Variants in TMEM214 observed in about 807,000 individuals in gnomAD.
The protein encoded by TMEM214 is transmembrane protein 214.
TMEM214 carries 71 observed loss-of-function variants against 89.8 expected under a neutral mutation model. The ratio of observed to expected loss-of-function variants is 0.79; its 90% CI spans 0.65 to 0.96. The LOEUF (loss-of-function observed/expected upper bound fraction) is 0.96. Ranked by LOEUF, TMEM214 falls within the 40% of genes least tolerant of loss-of-function variation. The pLI, the probability that TMEM214 is intolerant of heterozygous loss-of-function variation, is 0.00. For synonymous variants in TMEM214, 332 were observed against 349.5 expected (o/e 0.95, Z 0.56); for missense variants, 754 against 843.4 (o/e 0.89, Z 1.31).
Position 27,035,968 on chromosome 2 carries a change from AG to A in TMEM214, c.640del. ...TAGGTGTGAGAATGTGTATCTCTCC[AG>A]GGGAGTCACTACATGGTTACCGCAT... On this transcript the variant is annotated splice_acceptor_variant, in intron 4 of 16. Transcript: ENST00000238788. LOFTEE classifies it high-confidence loss of function. The A allele has an allele frequency of 1.2e-6, 2 of 1,614,122 alleles. No homozygotes were observed. Among genetic ancestry groups the A allele is most frequent in the Non-Finnish European group, 8.5e-7 (1 of 1,179,964 alleles).
At chr2:27,035,851 G>A in intron 4 of TMEM214, 119 bp from the exon 5 acceptor site, 2 of 1,581,304 alleles carry the variant, frequency 1.3e-6, no homozygotes, top group Non-Finnish European at 1.7e-6. Context: ...TTTTTGGAAA[G>A]TGTGGAGGAA....
chr2:27,035,399 G>T, intron 3 of TMEM214, 114 bp downstream of exon 3: 1 of 1,468,022 alleles, frequency 6.8e-7, no homozygotes, highest in Non-Finnish European at 9.3e-7. Flanking sequence ...ATTTGGGCTG[G>T]TCTCAAATCA....
chr2:27,036,942 G>T, intron 7 of TMEM214, 135 bp from the exon 8 acceptor site: 2 of 1,090,562 alleles, frequency 1.8e-6, no homozygotes, highest in South Asian at 1.3e-5. Context: ...GAAGGAAGAA[G>T]AGGGAGCTAT....
Position 27,037,571 on chromosome 2 carries a change from C to G in TMEM214, c.1021C>G (p.Gln341Glu). The change falls in exon 9 of 17, where the codon CAG (glutamine) becomes GAG (glutamate). Residue 341 changes from glutamine (Q) to glutamate (E), a missense_variant. Gln to Glu is a conservative substitution (Grantham distance 29, BLOSUM62 2). Coordinates refer to ENST00000238788, the MANE Select transcript of TMEM214 (RefSeq NM_017727.5). ...NNSLTPSLQE[Q>E]LCQLYPRLKV... ...CCCCACCCCACCCAGCCTGCAGGAG[C>G]AGCTGTGTCAGCTCTACCCCCGACT... The G allele has an allele frequency of 6.2e-7, 1 of 1,614,176 alleles. No individual in the cohort carries two copies. Among genetic ancestry groups the G allele is most frequent in the Non-Finnish European group, 8.5e-7 (1 of 1,180,030 alleles).
rs768944158 is a variant in TMEM214 at position 27,036,538 on chromosome 2, A to G, written c.772A>G (p.Ile258Val). 8 of 1,613,992 alleles carry G rather than the reference A, an allele frequency of 5.0e-6. No individual in the cohort carries two copies. Among genetic ancestry groups the G allele is most frequent in the African/African-American group, 1.3e-5 (1 of 74,898 alleles). ...HQSRPAKCLT[I>V]MWALGQAGFA... ...GAGCCGACCAGCAAAGTGTCTCACCATCATGTGGGCCCTGGGTCAAGCAGG... is the reference window on the plus strand; with the variant it reads ...GAGCCGACCAGCAAAGTGTCTCACCGTCATGTGGGCCCTGGGTCAAGCAGG... Residue 258 changes from isoleucine (I) to valine (V), a missense_variant, in exon 6 of 17, where the codon ATC (isoleucine) becomes GTC (valine). By Grantham distance (29) the Ile-to-Val change is conservative. Transcript: ENST00000238788.
At position 27,036,561 on chromosome 2, in the gene TMEM214, A is replaced by C; in HGVS notation, c.795A>C (p.Ala265=). The C allele has an allele frequency of 6.2e-7, 1 of 1,614,184 alleles. No homozygotes were observed. Among genetic ancestry groups the C allele is most frequent in the Non-Finnish European group, 8.5e-7 (1 of 1,180,016 alleles). ...CCATCATGTGGGCCCTGGGTCAAGC[A>C]GGTTTTGCCAACCTCACCGAGGGAC... is the stretch of plus-strand genomic sequence containing the variant. ...CLTIMWALGQ[A]GFANLTEGLK... Residue 265 remains alanine (A), a synonymous_variant, in exon 6 of 17, where the codon GCA becomes GCC. Coordinates refer to ENST00000238788, the MANE Select transcript of TMEM214 (RefSeq NM_017727.5).
In TMEM214 at chr2:27,040,061, TC is replaced by T; in HGVS notation, c.1657del (p.His553ThrfsTer54). The T allele has an allele frequency of 6.2e-7, 1 of 1,603,866 alleles. No homozygotes were observed. On this transcript the variant is annotated frameshift_variant, in exon 15 of 17. Coordinates refer to ENST00000238788, the MANE Select transcript of TMEM214 (RefSeq NM_017727.5). LOFTEE classifies it high-confidence loss of function. ...GGGGGAGACACTGCCGCTCTGGGGC[TC>T]CCACCTGCTCACCGTGGTGCGGCCC... Reference protein sequence around the residue: ...WLGETLPLWGSHLLTVVRPSL... With the variant: ...WLGETLPLWGXHLLTVVRPSL...
In TMEM214 at chr2:27,040,418, A is replaced by G; in HGVS notation, c.1865A>G (p.Gln622Arg). ...YLRELPLLFH[Q>R]NVLLPLWHLL... ...AGAGAGCTGCCCCTGCTTTTCCACC[A>G]GAATGTGCTGCTGCCACTGTGGCAC... Residue 622 changes from glutamine (Q) to arginine (R), a missense_variant, in exon 16 of 17, where the codon CAG (glutamine) becomes CGG (arginine). Transcript: ENST00000238788. 1 of 1,614,226 alleles carries G rather than the reference A, an allele frequency of 6.2e-7. No individual in the cohort carries two copies. The highest frequency in any genetic ancestry group is 2.2e-5 in the East Asian group (1 of 44,876).
chr2:27,039,385 T>C, intron 13 of TMEM214: 1 of 593,576 alleles, frequency 1.7e-6, no homozygotes, highest in South Asian at 2.1e-5. Flanking sequence ...ATATTCATAG[T>C]ATCATTTTAG....
Position 27,038,096 on chromosome 2 carries a change from T to C in TMEM214, c.1153-50T>C, listed in dbSNP as rs1043237084. 6.2e-7 allele frequency: 1 copy of C among 1,613,666 alleles called. No individual in the cohort carries two copies. The highest frequency in any genetic ancestry group is 1.3e-5 in the African/African-American group (1 of 75,046). On this transcript the variant is annotated intron_variant, in intron 9 of 16. Coordinates refer to ENST00000238788, the MANE Select transcript of TMEM214 (RefSeq NM_017727.5). The surrounding 1 kb of genome is among the most constrained non-coding windows in gnomAD (Gnocchi z 4.4). ...GGATCACCTCTTAGCACTCCCCGCC[T>C]CTGCCAGCCCCATGCCCCCAGCAGC...
At chr2:27,035,367 A>G (rs1345147650) in intron 3 of TMEM214, 82 bp downstream of exon 3, 9 of 1,567,306 alleles carry the variant, frequency 5.7e-6, no homozygotes, top group Non-Finnish European at 7.9e-6. Context: ...AGTGCCCCAC[A>G]CTGTCCTGAT....
rs375303830 is a variant in TMEM214, at chr2:27,035,956, G to A, written c.638-14G>A. 4 of 1,613,518 alleles carry A rather than the reference G, an allele frequency of 2.5e-6. No homozygotes were observed. The highest frequency in any genetic ancestry group is 1.3e-5 in the African/African-American group (1 of 74,918). The stretch of plus-strand genomic sequence containing the variant: ...AAATAATGTGAGTAGGTGTGAGAAT[G>A]TGTATCTCTCCAGGGGAGTCACTAC... On this transcript the variant is annotated splice_polypyrimidine_tract_variant and intron_variant, in intron 4 of 16. Transcript: ENST00000238788.
chr2:27,040,571 A>G lies in TMEM214; in HGVS notation c.1943+75A>G, dbSNP rs41288793. 4,043 of 1,590,626 alleles carry G rather than the reference A, an allele frequency of 2.5e-3. 5 individuals are homozygous for G. Among genetic ancestry groups the G allele is most frequent in the Non-Finnish European group, 3.1e-3 (3,621 of 1,171,272 alleles). ...CGGGCCCCAGGGACAAGCCATCTCTATCCAGTCTCCCACACTGTCCTGCCC... is the reference window on the plus strand; with the variant it reads ...CGGGCCCCAGGGACAAGCCATCTCTGTCCAGTCTCCCACACTGTCCTGCCC... On this transcript the variant is annotated intron_variant, in intron 16 of 16. Coordinates refer to ENST00000238788, the MANE Select transcript of TMEM214 (RefSeq NM_017727.5).
At chr2:27,034,992 G>A in intron 2 of TMEM214, 143 bp from the exon 3 acceptor site, 1 of 877,204 alleles carries the variant, frequency 1.1e-6, no homozygotes, top group Non-Finnish European at 1.8e-6. Flanking sequence ...CAGAATTGCA[G>A]CATTCCATGT....
chr2:27,040,419 G>A lies in TMEM214; in HGVS notation c.1866G>A (p.Gln622=), dbSNP rs1219178918. 7.4e-6 allele frequency: 12 copies of A among 1,614,116 alleles called. No individual in the cohort carries two copies. The highest frequency in any genetic ancestry group is 1.0e-5 in the Non-Finnish European group (12 of 1,180,056). ...GAGAGCTGCCCCTGCTTTTCCACCA[G>A]AATGTGCTGCTGCCACTGTGGCACC... ...YLRELPLLFH[Q]NVLLPLWHLL... The change falls in exon 16 of 17, where the codon CAG becomes CAA. Residue 622 remains glutamine (Q), a synonymous_variant. Transcript: ENST00000238788.
In TMEM214 at chr2:27,039,750, C is replaced by T; in HGVS notation, c.1535C>T (p.Thr512Ile). Reference sequence around the variant, plus strand: ...GGCCCCCTTTACTTAGCCTCCCTTACTGGCCGGTTGCTTCGATCATCTGGC... The same window carrying T: ...GGCCCCCTTTACTTAGCCTCCCTTATTGGCCGGTTGCTTCGATCATCTGGC... ...RSHSSFQASL[T>I]GRLLRSSGFL... Residue 512 changes from threonine (T) to isoleucine (I), a missense_variant, in exon 14 of 17, where the codon ACT becomes ATT. Coordinates refer to ENST00000238788, the MANE Select transcript of TMEM214 (RefSeq NM_017727.5). 6.2e-7 allele frequency: 1 copy of T among 1,614,214 alleles called. No homozygotes were observed. The highest frequency in any genetic ancestry group is 8.5e-7 in the Non-Finnish European group (1 of 1,180,034).
In TMEM214 at chr2:27,038,701, G is replaced by C; in HGVS notation, c.1294-1G>C. On this transcript the variant is annotated splice_acceptor_variant, in intron 11 of 16. Transcript: ENST00000238788. LOFTEE classifies it high-confidence loss of function. The surrounding 1 kb of genome is among the most constrained non-coding windows in gnomAD (Gnocchi z 4.4). ...ACAGGCCAGACCTTTCTTGTCCATAGGTACAGAAGTCTTTGCAAGAAACCA... is the reference window on the plus strand; with the variant it reads ...ACAGGCCAGACCTTTCTTGTCCATACGTACAGAAGTCTTTGCAAGAAACCA... The C allele has an allele frequency of 6.2e-7, 1 of 1,613,922 alleles. No homozygotes were observed. The highest frequency in any genetic ancestry group is 8.5e-7 in the Non-Finnish European group (1 of 1,179,862).
intron 2 of TMEM214, 184 bp downstream of exon 2, chr2:27,034,450 G>A (rs370867845): frequency 1.5e-6 from 1 of 659,404 alleles, no homozygotes; most frequent in African/African-American, 1.8e-5. Flanking sequence ...AGAATAGAAA[G>A]GAAATGGAAA....
chr2:27,035,627 G>A lies in TMEM214; in HGVS notation c.536G>A (p.Arg179His), dbSNP rs766455621. The change falls in exon 4 of 17, where the codon CGT becomes CAT. Residue 179 changes from arginine (R) to histidine (H), a missense_variant. By Grantham distance (29) the Arg-to-His change is conservative (BLOSUM62 0). Coordinates refer to ENST00000238788, the MANE Select transcript of TMEM214 (RefSeq NM_017727.5). Reference sequence around the variant, plus strand: ...TACAGCCTGGTGAGCCGGGAGCTACGTGGGATCATCCGAGGGCTGCTGGCG... The same window carrying A: ...TACAGCCTGGTGAGCCGGGAGCTACATGGGATCATCCGAGGGCTGCTGGCG... ...YPYSLVSREL[R>H]GIIRGLLAKA... The A allele has an allele frequency of 6.8e-6, 11 of 1,614,238 alleles. No homozygotes were observed. In the South Asian group the frequency reaches 1.1e-4, roughly 16 times the overall value.
Sources: allele counts gnomAD v4.1 joint callset, GRCh38; gene constraint gnomAD v4.1.1; non-coding constraint Gnocchi (gnomAD v3.1); transcripts MANE v1.5; gene names NCBI Gene and HGNC (gene_info 2026-07-23, HGNC 2026-07-21).